The following EYA1 variants were observed in gnomAD, a reference collection of about 807,000 sequenced individuals.
EYA1 encodes the protein protein phosphatase EYA1.
In EYA1, 16 loss-of-function variants were observed where a neutral mutation model predicts 82.0. That is an observed-to-expected ratio of 0.20 (90% CI 0.13 to 0.30). The LOEUF (loss-of-function observed/expected upper bound fraction) is 0.30. EYA1 is among the 10% of genes least tolerant of loss of function. The pLI is 1.00. For missense variants in EYA1, 633 were observed against 730.7 expected, an observed-to-expected ratio of 0.87 and a Z score of 1.54; for synonymous variants, 261 against 264.4, an observed-to-expected ratio of 0.99 and a Z score of 0.12.
chr8:71,382,245 A>G (rs1828745542), intron 2 of EYA1, among the ~76,000 whole-genome samples: 1 of 152,214 alleles, frequency 6.6e-6, no homozygotes, highest in South Asian at 2.1e-4. Context: ...AATTAAAATT[A>G]TGTTATACTG....
chr8:71,361,917 A>C lies in EYA1; in HGVS notation c.-325T>G, dbSNP rs1586549285. ...CCCAGGAAGAAACCCGCCACAGTGG[A>C]CGGCAACAGGAAGGCTTAAAGTCGG... On this transcript the variant is annotated 5_prime_UTR_variant, in exon 1 of 18. Coordinates refer to ENST00000340726, the MANE Select transcript of EYA1 (RefSeq NM_000503.6). The C allele has an allele frequency of 4.1e-6, 4 of 985,450 alleles. No homozygotes were observed. Among genetic ancestry groups the C allele is most frequent in the Non-Finnish European group, 4.8e-6 (4 of 829,954 alleles). The allele number at this position is 985,450 out of a possible 1,614,324, so 61.0% of individuals were successfully genotyped here.
In EYA1 at chr8:71,260,716, G is replaced by A. The variant is rs77114237; in HGVS notation, c.1050+9024C>T. Among the ~76,000 whole-genome samples the A allele has an allele frequency of 0.011, 1,621 of 152,220 alleles. 75 individuals are homozygous for A. The East Asian group carries it at 0.15, about 14-fold the overall frequency. On this transcript the variant is annotated intron_variant, in intron 11 of 17. Coordinates refer to ENST00000340726, the MANE Select transcript of EYA1 (RefSeq NM_000503.6). ...AACTCTCTCTGTACTAATCCTACAT[G>A]GGCAGCTAAGCCTCCCTGGCAAGCA...
intron 2 of EYA1, among the ~76,000 whole-genome samples, chr8:71,375,275 A>G (rs1828306949): frequency 6.9e-6 from 1 of 145,148 alleles, no homozygotes; most frequent in Non-Finnish European, 1.5e-5. Flanking sequence ...TATATATATA[A>G]TTTTTTAAAA....
intron 2 of EYA1, among the ~76,000 whole-genome samples, chr8:71,507,944 A>G (rs1812315263): frequency 2.0e-5 from 3 of 152,216 alleles, no homozygotes; most frequent in Admixed American, 2.0e-4. Flanking sequence ...TAAAAATAAA[A>G]TGATTAAATA....
chr8:71,294,328 G>A (rs955376130), intron 9 of EYA1, among the ~76,000 whole-genome samples: 4 of 151,982 alleles, frequency 2.6e-5, no homozygotes, highest in African/African-American at 7.2e-5. Context: ...GCGTGGTAGC[G>A]GGCGCCTGTA....
chr8:71,464,895 C>T (rs1304443064), intron 2 of EYA1, among the ~76,000 whole-genome samples: 1 of 152,136 alleles, frequency 6.6e-6, no homozygotes, highest in African/African-American at 2.4e-5. Context: ...TATTACATTT[C>T]TGAACATTAC....
chr8:71,344,120 T>G (rs1256469928), intron 3 of EYA1, among the ~76,000 whole-genome samples: 1 of 152,192 alleles, frequency 6.6e-6, no homozygotes, highest in Non-Finnish European at 1.5e-5. Flanking sequence ...AGTTCATATT[T>G]ATTTTTGACT....
intron 12 of EYA1, among the ~76,000 whole-genome samples, chr8:71,222,406 C>T (rs769775204): frequency 1.3e-5 from 2 of 152,214 alleles, no homozygotes; most frequent in African/African-American, 4.8e-5. Flanking sequence ...GTATTGCTAA[C>T]GCATCCAGCC....
intron 2 of EYA1, among the ~76,000 whole-genome samples, chr8:71,498,824 G>A (rs1811606206): frequency 6.6e-6 from 1 of 152,134 alleles, no homozygotes; most frequent in Non-Finnish European, 1.5e-5. Flanking sequence ...GTCACAAGCA[G>A]GGCTGAAGAA....
Position 71,265,224 on chromosome 8 carries a change from A to T in EYA1, c.1050+4516T>A, listed in dbSNP as rs113195503. On this transcript the variant is annotated intron_variant, in intron 11 of 17. Transcript: ENST00000340726. ...TCAAATATAACTGGTATTTGTTGAA[A>T]TTTTTTTTTATGCTAGACATGGTGC... is the stretch of plus-strand genomic sequence containing the variant. Among the ~76,000 whole-genome samples the T allele has an allele frequency of 4.7e-3, 715 of 151,510 alleles. 2 individuals are homozygous for T. The highest frequency in any genetic ancestry group is 0.015 in the African/African-American group (630 of 41,278).
intron 2 of EYA1, among the ~76,000 whole-genome samples, chr8:71,371,632 G>C (rs1254627948): frequency 6.6e-6 from 1 of 152,088 alleles, no homozygotes; most frequent in Non-Finnish European, 1.5e-5. Flanking sequence ...AAAGCTTCTC[G>C]AGAAATGTAG....
intron 11 of EYA1, among the ~76,000 whole-genome samples, chr8:71,245,646 A>C (rs993889649): frequency 1.3e-5 from 2 of 152,134 alleles, no homozygotes; most frequent in Admixed American, 6.5e-5. Flanking sequence ...AAGATTGGAC[A>C]GCCCTGCACT....
At chr8:71,263,558 C>T (rs1815398267) in intron 11 of EYA1, among the ~76,000 whole-genome samples, 1 of 152,168 alleles carries the variant, frequency 6.6e-6, no homozygotes. Context: ...CGCATGTATG[C>T]ACTGCCTGCA....
rs577064722 is a variant in EYA1 at position 71,329,377 on chromosome 8, G to T, written c.202+4720C>A. On this transcript the variant is annotated intron_variant, in intron 4 of 17. Transcript: ENST00000340726. ...CTCATGCTCTATCTGGCAAACCCTT[G>T]ACCCTGGATCAAGCCCAGCATCTTT... Among the ~76,000 whole-genome samples, 13 of 152,080 alleles carry T rather than the reference G, an allele frequency of 8.5e-5. No homozygotes were observed. The South Asian group carries it at 2.7e-3, about 32-fold the overall frequency.
At chr8:71,245,770 G>A (rs1430522391) in intron 11 of EYA1, among the ~76,000 whole-genome samples, 1 of 152,100 alleles carries the variant, frequency 6.6e-6, no homozygotes, top group East Asian at 1.9e-4. Context: ...AGGAAGTGAT[G>A]GCCACTCTGA....
intron 17 of EYA1, among the ~76,000 whole-genome samples, chr8:71,200,730 C>T (rs906721816): frequency 4.6e-5 from 7 of 151,900 alleles, no homozygotes; most frequent in African/African-American, 1.5e-4. Flanking sequence ...ATGCATGTGT[C>T]GCTGCCTACC....
intron 9 of EYA1, among the ~76,000 whole-genome samples, chr8:71,277,148 T>TA (rs1817300539): frequency 2.1e-5 from 2 of 95,728 alleles, no homozygotes; most frequent in Non-Finnish European, 4.2e-5. Flanking sequence ...TTTTTTTTTT[T>TA]AGTTTTTAGA....
chr8:71,317,139 T>C (rs1822012307), intron 7 of EYA1, among the ~76,000 whole-genome samples: 1 of 152,206 alleles, frequency 6.6e-6, no homozygotes, highest in Non-Finnish European at 1.5e-5. Context: ...CTTCACTTCA[T>C]AATGAAAATA....
chr8:71,205,907 C>T lies in EYA1; in HGVS notation c.1698+5249G>A, dbSNP rs750154202. On this transcript the variant is annotated intron_variant, in intron 17 of 17. Coordinates refer to ENST00000340726, the MANE Select transcript of EYA1 (RefSeq NM_000503.6). The stretch of plus-strand genomic sequence containing the variant: ...CAAGCTAAATAGTTAAAATCAATTT[C>T]GAAGCAATGTAAAATGTTTTGATTT... 1.1e-3 allele frequency among the ~76,000 whole-genome samples: 164 copies of T among 152,246 alleles called. 1 individual carries two copies. Among genetic ancestry groups the T allele is most frequent in the Non-Finnish European group, 1.8e-3 (125 of 67,992 alleles).
Sources: gnomAD v4.1 joint callset for allele counts (sites outside exome capture counted in the v4.1 genomes callset) on GRCh38, gnomAD v4.1.1 for gene constraint, MANE v1.5 for transcripts, NCBI Gene and HGNC (gene_info 2026-07-23, HGNC 2026-07-21) for gene names.